The following HCLS1 variants were observed in gnomAD, a reference collection of about 807,000 sequenced individuals.
The protein encoded by HCLS1 is hematopoietic lineage cell-specific protein.
In HCLS1, 44 loss-of-function variants were observed where a neutral mutation model predicts 68.6. The observed-to-expected ratio is 0.64, with a 90% confidence interval of 0.50 to 0.82. The LOEUF (loss-of-function observed/expected upper bound fraction) is 0.82, where lower values mean the gene tolerates loss of function less well. HCLS1 is among the 40% of genes least tolerant of loss of function. HCLS1 has a pLI of 0.00. For missense variants in HCLS1, 602 were observed against 612.1 expected, an observed-to-expected ratio of 0.98 and a Z score of 0.17; for synonymous variants, 217 against 225.8, an observed-to-expected ratio of 0.96 and a Z score of 0.35.
At chr3:121,654,130 T>C (rs1937811301) in intron 3 of HCLS1, 1 of 152,378 alleles carries the variant, frequency 6.6e-6, no homozygotes. Flanking sequence ...AGGCAACCTA[T>C]GGTCCCCTGC....
intron 8 of HCLS1, among the ~76,000 whole-genome samples, 163 bp downstream of exon 8, chr3:121,636,271 A>G (rs567734042): frequency 2.0e-5 from 3 of 152,210 alleles, no homozygotes; most frequent in Non-Finnish European, 4.4e-5. Flanking sequence ...TGCCCCTTAG[A>G]TGCTGAGGGC....
chr3:121,639,331 C>T (rs1410185691), intron 6 of HCLS1, among the ~76,000 whole-genome samples: 1 of 152,126 alleles, frequency 6.6e-6, no homozygotes, highest in Non-Finnish European at 1.5e-5. Flanking sequence ...CAGTAAGTCT[C>T]AGTACATTTC....
intron 6 of HCLS1, among the ~76,000 whole-genome samples, chr3:121,641,738 A>C (rs893639792): frequency 1.3e-5 from 2 of 152,202 alleles, no homozygotes; most frequent in African/African-American, 4.8e-5. Flanking sequence ...AAATAAAGGA[A>C]TAGAATACCT....
chr3:121,644,840 A>C lies in HCLS1; in HGVS notation c.377T>G (p.Val126Gly). ...AAKGFGGKYG[V>G]ERDRADKSAV... ...TACCTTGTCTGCCCTGTCCCTCTCA[A>C]CTCCGTACTTGCCCCCAAAGCCTTT... is the stretch of plus-strand genomic sequence containing the variant. The change falls in exon 5 of 14, where the codon GTT becomes GGT. Residue 126 changes from valine to glycine, a missense_variant. By Grantham distance (109) the Val-to-Gly change is moderately radical. Coordinates refer to ENST00000314583, the MANE Select transcript of HCLS1 (RefSeq NM_005335.6). 1.2e-5 allele frequency: 19 copies of C among 1,613,616 alleles called. No homozygotes were observed. Among genetic ancestry groups the C allele is most frequent in the Non-Finnish European group, 1.4e-5 (17 of 1,179,746 alleles).
At chr3:121,638,023 A>G (rs933809069) in intron 6 of HCLS1, among the ~76,000 whole-genome samples, 1 of 152,098 alleles carries the variant, frequency 6.6e-6, no homozygotes, top group Admixed American at 6.6e-5. Context: ...TCAAAGCTGT[A>G]TGTGTGAAGA....
At chr3:121,646,516 ATC>A (rs1560141888) in intron 4 of HCLS1, among the ~76,000 whole-genome samples, 1 of 107,278 alleles carries the variant, frequency 9.3e-6, no homozygotes, top group Non-Finnish European at 1.7e-5. Context: ...TATATATAGT[ATC>A]TGTTATATAT....
chr3:121,652,474 T>C (rs1937771790), intron 3 of HCLS1, among the ~76,000 whole-genome samples: 1 of 152,092 alleles, frequency 6.6e-6, no homozygotes, highest in Non-Finnish European at 1.5e-5. Flanking sequence ...GCCAACATGG[T>C]TAAACCCCGT....
chr3:121,637,621 A>G (rs1176818368), intron 6 of HCLS1, among the ~76,000 whole-genome samples: 1 of 152,194 alleles, frequency 6.6e-6, no homozygotes, highest in African/African-American at 2.4e-5. Context: ...TGTCAGATAA[A>G]ACATAACAAT....
At chr3:121,634,795 C>T (rs2049133462) in intron 9 of HCLS1, among the ~76,000 whole-genome samples, 1 of 152,062 alleles carries the variant, frequency 6.6e-6, no homozygotes, top group South Asian at 2.1e-4. Context: ...CCACACCCAG[C>T]TAATTTTTGT....
At position 121,632,247 on chromosome 3, in the gene HCLS1, C is replaced by T. The variant is rs1470364219; in HGVS notation, c.1241-63G>A. ...TGAAGAAGGCAAACAGAGAAAGATC[C>T]TACTGGGGCAATAGAGAAATTCTTC... On this transcript the variant is annotated intron_variant, in intron 12 of 13. Transcript: ENST00000314583. 8 of 1,603,584 alleles carry T rather than the reference C, an allele frequency of 5.0e-6. No homozygotes were observed. In the South Asian group the frequency reaches 8.8e-5, roughly 18 times the overall value.
chr3:121,631,604 A>C lies in HCLS1; in HGVS notation c.*242T>G, dbSNP rs41271407. On this transcript the variant is annotated 3_prime_UTR_variant, in exon 14 of 14. Coordinates refer to ENST00000314583, the MANE Select transcript of HCLS1 (RefSeq NM_005335.6). ...AGCTTGGGGTGGCAGAGAGGTGTTCATTGGGAAGGAGTCAGGAACACAAGA... is the reference window on the plus strand; with the variant it reads ...AGCTTGGGGTGGCAGAGAGGTGTTCCTTGGGAAGGAGTCAGGAACACAAGA... 46,817 of 474,774 alleles carry C rather than the reference A, an allele frequency of 0.099. 2,631 individuals carry two copies. The highest frequency in any genetic ancestry group is 0.15 in the South Asian group (5,136 of 33,504). 29.4% of individuals were successfully genotyped at this position (474,774 alleles called of 1,614,324 possible). A position where few individuals can be genotyped will look rare whatever the true frequency, so the allele number is the denominator to read the frequency against.
intron 9 of HCLS1, 46 bp downstream of exon 9, chr3:121,635,689 G>A (rs1342822995): frequency 2.1e-6 from 3 of 1,447,430 alleles, no homozygotes; most frequent in South Asian, 1.1e-5. Context: ...AAAAGAATGA[G>A]GGAGAAGGAA....
Position 121,640,778 on chromosome 3 carries a change from A to C in HCLS1, c.454+2149T>G, listed in dbSNP as rs1175844162. Among the ~76,000 whole-genome samples the C allele has an allele frequency of 1.0e-4, 5 of 50,052 alleles. No homozygotes were observed. In the East Asian group the frequency reaches 4.6e-3, roughly 46 times the overall value. The allele number at this position is 50,052 out of a possible 152,430, so 32.8% of individuals were successfully genotyped here. ...TATCTAAAAAAAGAGAGGGAAGGCA[A>C]GGGAAGGGGAGGGGAGGGGAGGGGA... is the stretch of plus-strand genomic sequence containing the variant. On this transcript the variant is annotated intron_variant, in intron 6 of 13. Transcript: ENST00000314583.
chr3:121,648,475 C>A (rs997829494), intron 3 of HCLS1, among the ~76,000 whole-genome samples: 16 of 152,070 alleles, frequency 1.1e-4, no homozygotes, highest in African/African-American at 3.9e-4. Flanking sequence ...TATAAGGATC[C>A]GGGGATTCTT....
At chr3:121,655,272 G>C (rs567757742) in intron 3 of HCLS1, among the ~76,000 whole-genome samples, 1 of 152,162 alleles carries the variant, frequency 6.6e-6, no homozygotes, top group East Asian at 1.9e-4. Flanking sequence ...TTACATGTTT[G>C]TTAGATTTTA....
At chr3:121,642,104 T>C (rs2049206744) in intron 6 of HCLS1, among the ~76,000 whole-genome samples, 1 of 135,718 alleles carries the variant, frequency 7.4e-6, no homozygotes, top group African/African-American at 2.7e-5. Flanking sequence ...AAAAACTTGA[T>C]CAATATTATA....
At chr3:121,649,011 A>AT (rs1235560401) in intron 3 of HCLS1, among the ~76,000 whole-genome samples, 9 of 152,210 alleles carry the variant, frequency 5.9e-5, no homozygotes, top group South Asian at 2.1e-4. Context: ...AAAATCTGCA[A>AT]TTTTTTAATG....
intron 3 of HCLS1, among the ~76,000 whole-genome samples, chr3:121,647,719 G>A (rs1205586912): frequency 1.3e-5 from 2 of 152,226 alleles, no homozygotes; most frequent in East Asian, 1.9e-4. Context: ...CATTTTTCAT[G>A]TTCTTAAATA....
chr3:121,632,151 C>A lies in HCLS1; in HGVS notation c.1274G>T (p.Gly425Val), dbSNP rs748139355. The change falls in exon 13 of 14, where the codon GGG becomes GTG. Residue 425 changes from glycine (G) to valine (V), a missense_variant. Transcript: ENST00000314583. The part of the protein sequence containing the change: ...SSGCPAGAGA[G>V]AVALGISAVA... ...AGCTGAGATCCCCAGAGCCACAGCC[C>A]CAGCCCCAGCCCCAGCCGGGCAGCC... The A allele has an allele frequency of 4.4e-6, 7 of 1,603,930 alleles. No homozygotes were observed. The Admixed American group carries it at 5.0e-5, about 11-fold the overall frequency.
Sources: gnomAD v4.1 joint callset for allele counts (sites outside exome capture counted in the v4.1 genomes callset) on GRCh38, gnomAD v4.1.1 for gene constraint, MANE v1.5 for transcripts, NCBI Gene and HGNC (gene_info 2026-07-23, HGNC 2026-07-21) for gene names.